Variants in PIP5K1C observed in about 807,000 individuals in gnomAD.
The protein encoded by PIP5K1C is phosphatidylinositol 4-phosphate 5-kinase type-1 gamma.
In PIP5K1C, 45 loss-of-function variants were observed where a neutral mutation model predicts 80.1. That is an observed-to-expected ratio of 0.56 (90% CI 0.44 to 0.72). The LOEUF is 0.72. Among genes scored for constraint, PIP5K1C ranks in the 30% least tolerant of loss-of-function variants. PIP5K1C has a pLI of 0.00. For missense variants in PIP5K1C, 753 were observed against 954.6 expected (o/e 0.79, Z 2.78); for synonymous variants, 498 against 420.1 (o/e 1.19, Z -2.27).
intron 3 of PIP5K1C, 125 bp downstream of exon 3, chr19:3,664,697 C>T: frequency 1.2e-6 from 1 of 846,766 alleles, no homozygotes; most frequent in Non-Finnish European, 2.0e-6. Context: ...ACACAGCCCA[C>T]ACCTGTCCCT....
intron 8 of PIP5K1C, among the ~76,000 whole-genome samples, chr19:3,650,901 C>T (rs943551441): frequency 2.0e-5 from 3 of 151,876 alleles, no homozygotes; most frequent in Admixed American, 6.6e-5. Flanking sequence ...GGATTACAGG[C>T]GTGCACCACC....
chr19:3,632,765 C>T lies in PIP5K1C; in HGVS notation c.*402G>A, dbSNP rs979545771. The T allele has an allele frequency of 3.2e-5, 6 of 189,456 alleles. No homozygotes were observed. The South Asian group carries it at 4.6e-4, about 15-fold the overall frequency. 11.7% of individuals were successfully genotyped at this position (189,456 alleles called of 1,614,324 possible). ...GTCCCCAGAGGCCACCGCGAACAGC[C>T]TGGCTTCTTCCTCAGGACACAGGCA... On this transcript the variant is annotated 3_prime_UTR_variant, in exon 18 of 18. Coordinates refer to ENST00000335312, the MANE Select transcript of PIP5K1C (RefSeq NM_012398.3).
At position 3,652,031 on chromosome 19, in the gene PIP5K1C, C is replaced by G; in HGVS notation, c.922G>C (p.Val308Leu). 6.2e-7 allele frequency: 1 copy of G among 1,613,092 alleles called. No homozygotes were observed. The highest frequency in any genetic ancestry group is 8.5e-7 in the Non-Finnish European group (1 of 1,179,944). The change falls in exon 8 of 18, where the codon GTC (valine) becomes CTC (leucine). Residue 308 changes from valine to leucine, a missense_variant and splice_region_variant. By Grantham distance (32) the Val-to-Leu change is conservative. Around this residue, in one of 6 missense-constraint regions of PIP5K1C, gnomAD observed 105 missense variants for 133.4 expected, o/e 0.79. Transcript: ENST00000335312. ...TCCATGATCTTGAAACTTTCCAGGA[C>G]CTGGCGGGATCGGGCAGGAACACGC... ...LVKTLQRDCL[V>L]LESFKIMDYS...
chr19:3,660,904 C>G, intron 5 of PIP5K1C, 62 bp downstream of exon 5: 1 of 1,369,818 alleles, frequency 7.3e-7, no homozygotes, highest in Admixed American at 1.7e-5. Context: ...CCCACAGACC[C>G]TCCGAGACCC....
At chr19:3,635,893 T>A (rs2033665428) in intron 16 of PIP5K1C, among the ~76,000 whole-genome samples, 1 of 151,810 alleles carries the variant, frequency 6.6e-6, no homozygotes, top group African/African-American at 2.4e-5. Flanking sequence ...GGCAGGAGAA[T>A]GGCGTGAACC....
chr19:3,679,528 G>A (rs1348774465), intron 1 of PIP5K1C, among the ~76,000 whole-genome samples: 2 of 152,286 alleles, frequency 1.3e-5, no homozygotes, highest in Admixed American at 6.5e-5. Context: ...CAGACCTGGC[G>A]TCTCGTTCAC....
intron 1 of PIP5K1C, chr19:3,672,532 G>C (rs1409714480): frequency 2.0e-5 from 3 of 152,480 alleles, no homozygotes; most frequent in African/African-American, 7.2e-5. Flanking sequence ...CTCCACATCT[G>C]TCTGACATGG....
intron 1 of PIP5K1C, among the ~76,000 whole-genome samples, chr19:3,676,977 C>A: frequency 6.6e-6 from 1 of 151,958 alleles, no homozygotes. Flanking sequence ...TGGTGCACAC[C>A]TGTATTTCTA....
intron 1 of PIP5K1C, among the ~76,000 whole-genome samples, chr19:3,677,754 GGGAT>G (rs2035409398): frequency 8.2e-6 from 1 of 121,474 alleles, no homozygotes; most frequent in Non-Finnish European, 1.8e-5. Context: ...GATGGAGGGA[GGGAT>G]GGAGGATGGA....
chr19:3,686,704 G>C (rs2035771695), intron 1 of PIP5K1C, among the ~76,000 whole-genome samples: 1 of 151,380 alleles, frequency 6.6e-6, no homozygotes, highest in African/African-American at 2.4e-5. Context: ...GGCAACAGGA[G>C]CGAAACTCCG....
In PIP5K1C at chr19:3,645,990, G is replaced by A; in HGVS notation, c.1329C>T (p.Val443=). 2 of 1,613,384 alleles carry A rather than the reference G, an allele frequency of 1.2e-6. No homozygotes were observed. The highest frequency in any genetic ancestry group is 1.7e-6 in the Non-Finnish European group (2 of 1,179,794). ...GTGGCTTACAGGAGTTCTTCCGAAA[G>A]ACCGTGTTGCTCATGAACTTGAAAA... ...ERFFKFMSNT[V]FRKNSSLKSS... is the part of the protein sequence containing the mutation. The change falls in exon 11 of 18, where the codon GTC becomes GTT. Residue 443 remains valine (V), a synonymous_variant. Transcript: ENST00000335312.
Position 3,688,991 on chromosome 19 carries a change from G to A in PIP5K1C, c.94+11306C>T, listed in dbSNP as rs62130609. ...GCTTGGCGCACGCGGCCTATGGTCT[G>A]TGAGCTCCCTGTGGATAAATCAACA... On this transcript the variant is annotated intron_variant, in intron 1 of 17. Transcript: ENST00000335312. This position sits in a 1 kb window ranked among gnomAD's most constrained non-coding sequence, Gnocchi z 5.3. Among the ~76,000 whole-genome samples the A allele has an allele frequency of 1.0e-3, 159 of 152,276 alleles. No homozygotes were observed. Among genetic ancestry groups the A allele is most frequent in the Non-Finnish European group, 1.9e-3 (127 of 68,022 alleles).
Position 3,700,380 on chromosome 19 carries a change from TC to T in PIP5K1C, c.10del (p.Glu4ArgfsTer43). 2 of 1,203,786 alleles carry T rather than the reference TC, an allele frequency of 1.7e-6. No homozygotes were observed. Among genetic ancestry groups the T allele is most frequent in the African/African-American group, 1.6e-5 (1 of 61,886 alleles). The allele number at this position is 1,203,786 out of a possible 1,614,324, so 74.6% of individuals were successfully genotyped here. MEL[E>X]VPDEAESAEA... ...AGCGCTCTCCGCCTCGTCCGGTACC[TC>T]CAGCTCCATGGCCGCGCGCGGACGG... On this transcript the variant is annotated frameshift_variant, in exon 1 of 18. Transcript: ENST00000335312. LOFTEE classifies it high-confidence loss of function.
chr19:3,642,976 A>C (rs1365037153), intron 13 of PIP5K1C, 37 bp from the exon 14 acceptor site: 4 of 1,611,858 alleles, frequency 2.5e-6, no homozygotes, highest in African/African-American at 2.7e-5. Context: ...ACCCAGAAAG[A>C]GAGTGGCCCG....
chr19:3,699,809 TGGAG>T (rs2036240886), intron 1 of PIP5K1C, among the ~76,000 whole-genome samples: 1 of 151,908 alleles, frequency 6.6e-6, no homozygotes, highest in South Asian at 2.1e-4. Context: ...GCCGGGGCGG[TGGAG>T]GCATCTTGAG....
chr19:3,694,085 G>A (rs963109481), intron 1 of PIP5K1C, among the ~76,000 whole-genome samples: 3 of 151,858 alleles, frequency 2.0e-5, no homozygotes, highest in East Asian at 1.9e-4. Context: ...AGTGGCGGAC[G>A]CCTGTAGTCC....
rs780344653 is a variant in PIP5K1C at position 3,656,513 on chromosome 19, G to A, written c.513C>T (p.Gly171=). The A allele has an allele frequency of 8.1e-6, 13 of 1,613,832 alleles. No individual in the cohort carries two copies. The East Asian group carries it at 1.1e-4, about 14-fold the overall frequency. The change falls in exon 6 of 18, where the codon GGC becomes GGT. Residue 171 remains glycine, a synonymous_variant. Coordinates refer to ENST00000335312, the MANE Select transcript of PIP5K1C (RefSeq NM_012398.3). ...TGACGTAGAAGAGGGAGCCACTGGC[G>A]CCCGGGTTGGACAGCTCGATCAGCG... ...NEPLIELSNP[G]ASGSLFYVTS... is the part of the protein sequence containing the mutation.
chr19:3,658,329 TGA>T lies in PIP5K1C; in HGVS notation c.469-1774_469-1773del, dbSNP rs541299534. Reference sequence around the variant, plus strand: ...CCTGGCTGGGAGTGATGGTGCAGGGTGAGAGAGCCGTGTGGGGTGGACTCTGA... The same window carrying T: ...CCTGGCTGGGAGTGATGGTGCAGGGTGAGAGCCGTGTGGGGTGGACTCTGA... On this transcript the variant is annotated intron_variant, in intron 5 of 17. Transcript: ENST00000335312. 1.7e-4 allele frequency among the ~76,000 whole-genome samples: 26 copies of T among 152,244 alleles called. 1 individual carries two copies. In the South Asian group the frequency reaches 5.4e-3, roughly 32 times the overall value.
At chr19:3,660,891 T>C in intron 5 of PIP5K1C, 75 bp downstream of exon 5, 1 of 1,239,348 alleles carries the variant, frequency 8.1e-7, no homozygotes, top group South Asian at 1.2e-5. Flanking sequence ...CCCAAATGCC[T>C]GACCCACAGA....
Sources: allele counts gnomAD v4.1 joint callset (sites outside exome capture counted in the v4.1 genomes callset), GRCh38; gene constraint gnomAD v4.1.1; regional missense constraint gnomAD v4.1.1; non-coding constraint Gnocchi (gnomAD v3.1); transcripts MANE v1.5; gene names NCBI Gene and HGNC (gene_info 2026-07-23, HGNC 2026-07-21).